OSMR: variants seen among roughly 807,000 people sequenced by gnomAD.
OSMR encodes the protein oncostatin M receptor, also known as oncostatin-M-specific receptor subunit beta.
A neutral mutation model predicts 99.9 loss-of-function variants in OSMR; 81 were observed. The ratio of observed to expected loss-of-function variants is 0.81; its 90% CI spans 0.68 to 0.97. OSMR has a LOEUF of 0.97. Ranked by LOEUF, OSMR falls within the 50% of genes least tolerant of loss-of-function variation. The pLI is 0.00. For synonymous variants in OSMR, 406 were observed against 410.4 expected, an observed-to-expected ratio of 0.99 and a Z score of 0.13; for missense variants, 1,099 against 1,153.4, an observed-to-expected ratio of 0.95 and a Z score of 0.68.
chr5:38,848,377 C>T (rs1740057818), intron 1 of OSMR, among the ~76,000 whole-genome samples: 1 of 152,230 alleles, frequency 6.6e-6, no homozygotes, highest in African/African-American at 2.4e-5. Flanking sequence ...TCTTTTCCAA[C>T]AGCTGTGTTG....
Position 38,883,916 on chromosome 5 carries a change from T to C in OSMR, c.508T>C (p.Ser170Pro). 2 of 1,613,886 alleles carry C rather than the reference T, an allele frequency of 1.2e-6. No individual in the cohort carries two copies. The highest frequency in any genetic ancestry group is 1.7e-6 in the Non-Finnish European group (2 of 1,179,758). The change falls in exon 5 of 18, where the codon TCT (serine) becomes CCT (proline). Residue 170 changes from serine (S) to proline (P), a missense_variant. Ser to Pro is a moderately conservative substitution (Grantham distance 74). Transcript: ENST00000274276. ...EGTNVTICYV[S>P]RNIQNNVSCY... ...CACCAATGTTACCATTTGTTACGTT[T>C]CTAGGAACATTCAAAATAATGTATC...
chr5:38,891,965 G>A (rs908020051), intron 7 of OSMR, among the ~76,000 whole-genome samples: 6 of 152,106 alleles, frequency 3.9e-5, no homozygotes, highest in Non-Finnish European at 8.8e-5. Context: ...GCCCTTCTCC[G>A]GGCAAGGCTC....
intron 9 of OSMR, among the ~76,000 whole-genome samples, chr5:38,911,827 A>G (rs540594014): frequency 6.4e-4 from 97 of 152,346 alleles, no homozygotes; most frequent in Middle Eastern, 3.4e-3. Flanking sequence ...AATCATCTCA[A>G]TATATGCAGA....
chr5:38,932,371 G>A (rs1449099736), intron 16 of OSMR, 92 bp from the exon 17 acceptor site: 13 of 903,270 alleles, frequency 1.4e-5, no homozygotes, highest in South Asian at 1.3e-4. Flanking sequence ...ACAACGCAAG[G>A]ATTAGAAGCC....
chr5:38,921,145 CA>C (rs1207364577), intron 11 of OSMR, among the ~76,000 whole-genome samples: 1 of 152,060 alleles, frequency 6.6e-6, no homozygotes, highest in Non-Finnish European at 1.5e-5. Flanking sequence ...GATTAAGGAT[CA>C]AAAAATTTTG....
chr5:38,890,847 G>A (rs535036133), intron 7 of OSMR, among the ~76,000 whole-genome samples: 29 of 152,182 alleles, frequency 1.9e-4, no homozygotes, highest in South Asian at 1.0e-3. Flanking sequence ...GCCTGGGGAC[G>A]TTGAATGATT....
intron 8 of OSMR, 85 bp downstream of exon 8, chr5:38,904,109 T>C (rs965543019): frequency 2.5e-6 from 4 of 1,574,536 alleles, no homozygotes; most frequent in Non-Finnish European, 3.5e-6. Context: ...CACTTTAAAC[T>C]CTTATTTCTG....
intron 6 of OSMR, among the ~76,000 whole-genome samples, 181 bp downstream of exon 6, chr5:38,885,665 T>G (rs1410965061): frequency 6.6e-6 from 1 of 152,134 alleles, no homozygotes; most frequent in African/African-American, 2.4e-5. Flanking sequence ...CTACCTGAGG[T>G]TTTTAAAAAA....
intron 1 of OSMR, among the ~76,000 whole-genome samples, chr5:38,848,637 A>G (rs1199468371): frequency 6.6e-6 from 1 of 152,258 alleles, no homozygotes; most frequent in Non-Finnish European, 1.5e-5. Context: ...ATAGTTTTAC[A>G]TAATACATAC....
At chr5:38,881,788 A>C (rs868274426) in intron 4 of OSMR, 24 bp downstream of exon 4, 6 of 1,584,996 alleles carry the variant, frequency 3.8e-6, no homozygotes, top group Middle Eastern at 1.7e-4. Context: ...TGGTTACAAG[A>C]GTGAAAAGGG....
intron 11 of OSMR, 91 bp downstream of exon 11, chr5:38,919,153 A>G (rs1746099638): frequency 6.4e-6 from 10 of 1,556,802 alleles, no homozygotes; most frequent in Non-Finnish European, 8.7e-6. Context: ...AGAAAACAAT[A>G]ACTTAGGAAG....
chr5:38,923,343 C>A, intron 13 of OSMR, 89 bp downstream of exon 13: 2 of 811,744 alleles, frequency 2.5e-6, no homozygotes, highest in Non-Finnish European at 4.2e-6. Context: ...AAGCTGTCAG[C>A]ACCATACCCA....
At chr5:38,868,874 T>G in intron 1 of OSMR, 158 bp from the exon 2 acceptor site, 1 of 350,888 alleles carries the variant, frequency 2.8e-6, no homozygotes, top group Non-Finnish European at 4.0e-6. Context: ...GTCTTCCTAT[T>G]TTGGGGGGAC....
intron 1 of OSMR, among the ~76,000 whole-genome samples, chr5:38,867,596 T>C (rs754009134): frequency 9.9e-5 from 15 of 152,236 alleles, no homozygotes; most frequent in Non-Finnish European, 1.8e-4. Flanking sequence ...TTTGAGGTCA[T>C]CCAGCCTTAT....
intron 1 of OSMR, chr5:38,942,107 T>TC (rs1333293728): frequency 4.9e-6 from 2 of 405,986 alleles, no homozygotes; most frequent in Non-Finnish European, 9.0e-6. Flanking sequence ...CTCAAAAGGC[T>TC]CAACAAAGGA....
chr5:38,860,384 G>A (rs1741190590), intron 1 of OSMR, among the ~76,000 whole-genome samples: 1 of 152,098 alleles, frequency 6.6e-6, no homozygotes, highest in African/African-American at 2.4e-5. Flanking sequence ...GATTTGCATA[G>A]GTTGAACCAT....
intron 1 of OSMR, among the ~76,000 whole-genome samples, chr5:38,943,658 C>G (rs71621891): frequency 7.8e-4 from 118 of 152,126 alleles, no homozygotes; most frequent in Non-Finnish European, 1.5e-3. Context: ...ACTAAAAATA[C>G]AAAAATTAGC....
chr5:38,870,393 G>A (rs1003416980), intron 2 of OSMR, among the ~76,000 whole-genome samples: 3 of 147,510 alleles, frequency 2.0e-5, no homozygotes, highest in Admixed American at 6.9e-5. Flanking sequence ...GTGCAGTGGC[G>A]CGATCTCGGC....
exon 2 of OSMR, chr5:38,944,317 C>G: frequency 1.1e-6 from 1 of 899,930 alleles, no homozygotes; most frequent in Non-Finnish European, 1.8e-6. Flanking sequence ...TAGCCTCACA[C>G]AGGTATGCAA....
Sources: allele counts gnomAD v4.1 joint callset (sites outside exome capture counted in the v4.1 genomes callset), GRCh38; gene constraint gnomAD v4.1.1; transcripts MANE v1.5; gene names NCBI Gene and HGNC (gene_info 2026-07-23, HGNC 2026-07-21).